The following AGBL4 variants were observed in gnomAD, a reference collection of about 807,000 sequenced individuals.
AGBL4 encodes AGBL carboxypeptidase 4, also known as cytosolic carboxypeptidase 6.
Under a neutral mutation model 66.4 loss-of-function variants are expected in AGBL4, and 58 were observed. That is an observed-to-expected ratio of 0.87 (90% CI 0.71 to 1.09). The LOEUF is 1.09. AGBL4 is among the 50% of genes least tolerant of loss of function. The pLI, the probability that AGBL4 is intolerant of heterozygous loss-of-function variation, is 0.00. For missense variants in AGBL4, 579 were observed against 631.0 expected (o/e 0.92, Z 0.88); for synonymous variants, 234 against 222.9 (o/e 1.05, Z -0.44).
At chr1:48,906,885 G>A (rs912831288) in intron 5 of AGBL4, among the ~76,000 whole-genome samples, 1 of 152,078 alleles carries the variant, frequency 6.6e-6, no homozygotes, top group Admixed American at 6.6e-5. Flanking sequence ...AAGAAGATAC[G>A]TTTCCTTCTG....
At chr1:48,889,280 G>A (rs1036779792) in intron 5 of AGBL4, among the ~76,000 whole-genome samples, 1 of 152,162 alleles carries the variant, frequency 6.6e-6, no homozygotes, top group Non-Finnish European at 1.5e-5. Context: ...TCGGACGCAC[G>A]CCTGTGACAT....
intron 4 of AGBL4, among the ~76,000 whole-genome samples, chr1:49,100,446 T>G (rs1460524099): frequency 6.6e-6 from 1 of 152,202 alleles, no homozygotes; most frequent in Non-Finnish European, 1.5e-5. Context: ...ATATGTCGTC[T>G]TCAAAGGAGA....
At chr1:48,613,798 C>T (rs549710821) in intron 9 of AGBL4, among the ~76,000 whole-genome samples, 20 of 152,350 alleles carry the variant, frequency 1.3e-4, no homozygotes, top group Non-Finnish European at 2.2e-4. Context: ...TAAATGTTTG[C>T]TGTGGTAACC....
chr1:49,403,428 G>T (rs746671401), intron 3 of AGBL4, among the ~76,000 whole-genome samples: 14 of 151,932 alleles, frequency 9.2e-5, no homozygotes, highest in Non-Finnish European at 1.5e-4. Context: ...CAGAATTTTT[G>T]CTTGATTCTT....
In AGBL4 at chr1:48,970,507, T is replaced by C. The variant is rs12063575; in HGVS notation, c.594+75077A>G. ...GTGACTCTGAGGTTCCCTAACTCCA[T>C]TTTCATTAAGTTTTCACAAATGATC... On this transcript the variant is annotated intron_variant, in intron 5 of 13. Coordinates refer to ENST00000371839, the MANE Select transcript of AGBL4 (RefSeq NM_032785.4). Among the ~76,000 whole-genome samples the C allele has an allele frequency of 1.3e-3, 199 of 152,326 alleles. 1 individual carries two copies. The highest frequency in any genetic ancestry group is 4.5e-3 in the African/African-American group (188 of 41,582).
At chr1:49,479,962 C>G (rs977045827) in intron 3 of AGBL4, among the ~76,000 whole-genome samples, 6 of 151,934 alleles carry the variant, frequency 3.9e-5, no homozygotes, top group African/African-American at 1.4e-4. Context: ...CCGCCTCGAC[C>G]TCCCAAAGTG....
chr1:49,440,947 T>A (rs980690801), intron 3 of AGBL4, among the ~76,000 whole-genome samples: 1 of 152,054 alleles, frequency 6.6e-6, no homozygotes, highest in Non-Finnish European at 1.5e-5. Context: ...AGTGGCAACA[T>A]CCCCTCCCCA....
chr1:48,785,484 C>T (rs1645387465), intron 6 of AGBL4, among the ~76,000 whole-genome samples: 1 of 152,166 alleles, frequency 6.6e-6, no homozygotes, highest in Admixed American at 6.5e-5. Flanking sequence ...ATGTCTGGCT[C>T]CTATCTGACT....
intron 3 of AGBL4, among the ~76,000 whole-genome samples, chr1:49,337,881 T>C (rs1343421790): frequency 6.6e-6 from 1 of 152,240 alleles, no homozygotes; most frequent in African/African-American, 2.4e-5. Flanking sequence ...ATTTCAACCA[T>C]TATTTAACAT....
chr1:49,307,658 T>C (rs998299345), intron 3 of AGBL4, among the ~76,000 whole-genome samples: 2 of 152,154 alleles, frequency 1.3e-5, no homozygotes, highest in Admixed American at 1.3e-4. Flanking sequence ...GCTTTCTATG[T>C]GCATTGCTAT....
At chr1:49,658,689 T>A (rs1190150284) in intron 3 of AGBL4, among the ~76,000 whole-genome samples, 1 of 152,140 alleles carries the variant, frequency 6.6e-6, no homozygotes, top group Middle Eastern at 3.2e-3. Flanking sequence ...TGAAAAATGA[T>A]GAGTTCATGT....
chr1:49,898,377 T>G (rs994165563), intron 1 of AGBL4, among the ~76,000 whole-genome samples: 4 of 152,010 alleles, frequency 2.6e-5, no homozygotes, highest in Non-Finnish European at 5.9e-5. Context: ...CTCAAATTCA[T>G]TGATCATCAG....
At chr1:49,785,362 G>A (rs752325801) in intron 2 of AGBL4, among the ~76,000 whole-genome samples, 4 of 152,002 alleles carry the variant, frequency 2.6e-5, no homozygotes, top group Non-Finnish European at 4.4e-5. Context: ...AATATGTGAG[G>A]TGATGGATAT....
At chr1:48,593,728 G>T (rs984103347) in intron 9 of AGBL4, among the ~76,000 whole-genome samples, 2 of 152,126 alleles carry the variant, frequency 1.3e-5, no homozygotes, top group Non-Finnish European at 2.9e-5. Flanking sequence ...TCCAGCCTGG[G>T]CGACAGTGCG....
At chr1:49,323,402 C>G (rs1645164966) in intron 3 of AGBL4, among the ~76,000 whole-genome samples, 1 of 151,932 alleles carries the variant, frequency 6.6e-6, no homozygotes, top group Non-Finnish European at 1.5e-5. Flanking sequence ...CTGCTTCAGC[C>G]TCTCTAGTAG....
At chr1:49,734,207 AG>A (rs1649680894) in intron 2 of AGBL4, among the ~76,000 whole-genome samples, 1 of 152,124 alleles carries the variant, frequency 6.6e-6, no homozygotes, top group Non-Finnish European at 1.5e-5. Context: ...CCCAAAGATC[AG>A]GAACAAAACA....
intron 2 of AGBL4, among the ~76,000 whole-genome samples, chr1:49,847,295 A>T (rs964367058): frequency 6.6e-6 from 1 of 152,320 alleles, no homozygotes; most frequent in Non-Finnish European, 1.5e-5. Flanking sequence ...AAGACCTAAA[A>T]CTATAAAAAT....
At chr1:48,989,686 G>A (rs552963354) in intron 5 of AGBL4, among the ~76,000 whole-genome samples, 1 of 152,264 alleles carries the variant, frequency 6.6e-6, no homozygotes, top group South Asian at 2.1e-4. Flanking sequence ...TTCTATCCAT[G>A]TTGTTGCAAA....
intron 4 of AGBL4, among the ~76,000 whole-genome samples, chr1:49,052,350 C>T (rs1017673830): frequency 6.6e-6 from 1 of 152,118 alleles, no homozygotes; most frequent in African/African-American, 2.4e-5. Flanking sequence ...CTATAAATCA[C>T]ATACTCTATC....
Sources: gnomAD v4.1 joint callset for allele counts (sites outside exome capture counted in the v4.1 genomes callset) on GRCh38, gnomAD v4.1.1 for gene constraint, MANE v1.5 for transcripts, NCBI Gene and HGNC (gene_info 2026-07-23, HGNC 2026-07-21) for gene names.